PLXDC2: variants seen among roughly 807,000 people sequenced by gnomAD.
PLXDC2 encodes plexin domain containing 2.
In PLXDC2, 40 loss-of-function variants were observed where a neutral mutation model predicts 68.9. The ratio of observed to expected loss-of-function variants is 0.58; its 90% CI spans 0.45 to 0.76. PLXDC2 has a LOEUF of 0.76. Ranked by LOEUF, PLXDC2 falls within the 30% of genes least tolerant of loss-of-function variation. The pLI is 0.00. For missense variants in PLXDC2, 644 were observed against 661.9 expected, an observed-to-expected ratio of 0.97 and a Z score of 0.30; for synonymous variants, 243 against 234.2, an observed-to-expected ratio of 1.04 and a Z score of -0.34.
chr10:20,041,607 C>T (rs1022988938), intron 2 of PLXDC2, among the ~76,000 whole-genome samples: 2 of 152,240 alleles, frequency 1.3e-5, no homozygotes, highest in Admixed American at 6.5e-5. Flanking sequence ...ACAACAACTA[C>T]GTATGCACCT....
At chr10:20,035,655 C>T (rs966283394) in intron 2 of PLXDC2, among the ~76,000 whole-genome samples, 7 of 151,936 alleles carry the variant, frequency 4.6e-5, no homozygotes, top group African/African-American at 1.5e-4. Context: ...AAGATTGCAC[C>T]ACAGCACTCC....
intron 1 of PLXDC2, among the ~76,000 whole-genome samples, chr10:19,904,743 C>T (rs1838212543): frequency 1.3e-5 from 2 of 152,198 alleles, no homozygotes; most frequent in African/African-American, 4.8e-5. Flanking sequence ...TCTGTCCAAG[C>T]AGGAGCTGCA....
In PLXDC2 at chr10:20,105,049, A is replaced by AG. The variant is rs1491160520; in HGVS notation, c.541+36810_541+36811insG. ...CTGGCGACAGAGCTAGACTCCATCC[A>AG]AAAAAAAAAAAAAAAAAAAAAAGAG... On this transcript the variant is annotated intron_variant, in intron 4 of 13. Coordinates refer to ENST00000377252, the MANE Select transcript of PLXDC2 (RefSeq NM_032812.9). 2.9e-4 allele frequency among the ~76,000 whole-genome samples: 3 copies of AG among 10,242 alleles called. No homozygotes were observed. In the African/African-American group the frequency reaches 2.9e-3, roughly 10 times the overall value. 6.7% of individuals were successfully genotyped at this position (10,242 alleles called of 152,430 possible).
chr10:19,930,318 T>C (rs1359208814), intron 1 of PLXDC2, among the ~76,000 whole-genome samples: 1 of 152,164 alleles, frequency 6.6e-6, no homozygotes, highest in Non-Finnish European at 1.5e-5. Context: ...AGAAACTTCC[T>C]TTTTTCCAGA....
At position 19,933,729 on chromosome 10, in the gene PLXDC2, G is replaced by A. The variant is rs375069398; in HGVS notation, c.113-68046G>A. 1.4e-3 allele frequency among the ~76,000 whole-genome samples: 216 copies of A among 151,470 alleles called. 1 individual carries two copies. Among genetic ancestry groups the A allele is most frequent in the African/African-American group, 5.1e-3 (211 of 41,280 alleles). On this transcript the variant is annotated intron_variant, in intron 1 of 13. Transcript: ENST00000377252. ...GTGAGGATTATGTTTGAAAGGAAAA[G>A]ATAAGTTCTTTCATTTTCCACTGAA...
rs770684242 is a variant in PLXDC2, at chr10:20,245,507, T to A, written c.1473+2T>A. 1 of 1,610,272 alleles carries A rather than the reference T, an allele frequency of 6.2e-7. No individual in the cohort carries two copies. The highest frequency in any genetic ancestry group is 8.5e-7 in the Non-Finnish European group (1 of 1,178,972). On this transcript the variant is annotated splice_donor_variant, in intron 13 of 13. Transcript: ENST00000377252. LOFTEE classifies it high-confidence loss of function. ...GCAGCCAGCATCTTCTTTATTGAGG[T>A]AAGTGTTGAGTTTAACACATGAAAA...
At chr10:20,140,909 C>T (rs1013692130) in intron 4 of PLXDC2, among the ~76,000 whole-genome samples, 1 of 150,506 alleles carries the variant, frequency 6.6e-6, no homozygotes, top group Non-Finnish European at 1.5e-5. Flanking sequence ...GGTGGTGGTA[C>T]TAATAGTGGT....
chr10:19,840,485 TC>T (rs1184784209), intron 1 of PLXDC2, among the ~76,000 whole-genome samples: 3 of 152,156 alleles, frequency 2.0e-5, no homozygotes, highest in African/African-American at 7.2e-5. Flanking sequence ...ACTCTTTCAA[TC>T]TTACTGTTAT....
At chr10:20,235,903 C>T (rs1385094170) in intron 12 of PLXDC2, among the ~76,000 whole-genome samples, 1 of 152,098 alleles carries the variant, frequency 6.6e-6, no homozygotes, top group South Asian at 2.1e-4. Flanking sequence ...AGTGCTTCGT[C>T]GGCCTATTTT....
rs987150682 is a variant in PLXDC2, at chr10:20,046,999, C to G, written c.455C>G (p.Thr152Ser). The change falls in exon 3 of 14, where the codon ACT becomes AGT. Residue 152 changes from threonine to serine, a missense_variant. Physicochemically the swap from Thr to Ser is moderately conservative, Grantham distance 58. This residue lies in a region of PLXDC2 where 113 missense variants were observed against 167.1 expected (regional missense o/e 0.68). Transcript: ENST00000377252. ...AAGATTCATGGAATATTGTCCAATA[C>G]TCATCGGCAAGCTGCAGTAAGTGTT... ...KVKIHGILSNTHRQAARVNLS... is the reference protein window; with the variant it reads ...KVKIHGILSNSHRQAARVNLS... 6.2e-7 allele frequency: 1 copy of G among 1,602,632 alleles called. No homozygotes were observed. Among genetic ancestry groups the G allele is most frequent in the South Asian group, 1.1e-5 (1 of 88,672 alleles).
At chr10:20,270,794 T>A (rs1835928196) in intron 13 of PLXDC2, among the ~76,000 whole-genome samples, 1 of 152,028 alleles carries the variant, frequency 6.6e-6, no homozygotes, top group Admixed American at 6.5e-5. Flanking sequence ...AGTGCTGGAA[T>A]TACAGGTGTG....
intron 1 of PLXDC2, among the ~76,000 whole-genome samples, chr10:19,981,437 G>A (rs970829003): frequency 2.6e-5 from 4 of 152,178 alleles, no homozygotes; most frequent in Admixed American, 6.5e-5. Flanking sequence ...GTCAGTTTAC[G>A]TAGTTTGAAG....
intron 9 of PLXDC2, among the ~76,000 whole-genome samples, chr10:20,189,417 T>C (rs890203366): frequency 3.8e-4 from 55 of 143,662 alleles, no homozygotes; most frequent in African/African-American, 1.2e-3. Flanking sequence ...CACACACATA[T>C]TGTGTATAAT....
intron 1 of PLXDC2, among the ~76,000 whole-genome samples, chr10:19,831,247 A>C (rs1347053381): frequency 6.6e-6 from 1 of 151,938 alleles, no homozygotes; most frequent in Non-Finnish European, 1.5e-5. Flanking sequence ...TTTTTATCCC[A>C]TTCTGATATT....
chr10:20,213,388 T>C (rs189860285), intron 10 of PLXDC2, among the ~76,000 whole-genome samples: 14 of 152,220 alleles, frequency 9.2e-5, no homozygotes, highest in Non-Finnish European at 2.1e-4. Context: ...TCTAAAGCTC[T>C]GTCAGTACTT....
At chr10:20,029,740 C>T (rs903219312) in intron 2 of PLXDC2, among the ~76,000 whole-genome samples, 12 of 152,192 alleles carry the variant, frequency 7.9e-5, no homozygotes, top group Middle Eastern at 3.4e-3. Flanking sequence ...AACCATATTA[C>T]GAAAATATTT....
chr10:19,830,443 C>T (rs112496208), intron 1 of PLXDC2, among the ~76,000 whole-genome samples: 5 of 152,274 alleles, frequency 3.3e-5, no homozygotes, highest in African/African-American at 1.2e-4. Flanking sequence ...TTGGCTTTTA[C>T]TGTTTTTCTT....
chr10:20,136,187 C>A (rs184031178), intron 4 of PLXDC2, among the ~76,000 whole-genome samples: 1 of 152,302 alleles, frequency 6.6e-6, no homozygotes, highest in African/African-American at 2.4e-5. Context: ...TCATAGTGAA[C>A]TATGTGGTCT....
intron 1 of PLXDC2, among the ~76,000 whole-genome samples, chr10:19,957,858 A>G (rs905092862): frequency 6.6e-6 from 1 of 152,166 alleles, no homozygotes; most frequent in East Asian, 1.9e-4. Flanking sequence ...AGTTTTTGCA[A>G]TGAAAGTTAC....
Sources: gnomAD v4.1 joint callset for allele counts (sites outside exome capture counted in the v4.1 genomes callset) on GRCh38, gnomAD v4.1.1 for gene constraint, gnomAD v4.1.1 regional missense constraint, MANE v1.5 for transcripts, NCBI Gene and HGNC (gene_info 2026-07-23, HGNC 2026-07-21) for gene names.